HLCS: variants seen among roughly 807,000 people sequenced by gnomAD.
HLCS encodes holocarboxylase synthetase, also known as biotin--protein ligase.
HLCS carries 53 observed loss-of-function variants against 75.0 expected under a neutral mutation model. That is an observed-to-expected ratio of 0.71 (90% confidence interval 0.57 to 0.89). HLCS has a LOEUF of 0.89. Ranked by LOEUF, HLCS falls within the 40% of genes least tolerant of loss-of-function variation. HLCS has a pLI of 0.00. For missense variants in HLCS, 966 were observed against 1,074.0 expected (o/e 0.90, Z 1.41); for synonymous variants, 431 against 428.6 (o/e 1.01, Z -0.07).
intron 6 of HLCS, among the ~76,000 whole-genome samples, chr21:36,849,256 C>T (rs1235705951): frequency 6.6e-6 from 1 of 152,196 alleles, no homozygotes; most frequent in African/African-American, 2.4e-5. Flanking sequence ...TTTTTGTCTG[C>T]AATCAATGCA....
intron 2 of HLCS, among the ~76,000 whole-genome samples, chr21:36,940,548 C>T (rs1336128110): frequency 6.6e-6 from 1 of 151,980 alleles, no homozygotes; most frequent in Non-Finnish European, 1.5e-5. Flanking sequence ...TTTTTAAATG[C>T]TAGATAAAAT....
At chr21:36,934,606 CTT>C (rs1016982008) in intron 4 of HLCS, among the ~76,000 whole-genome samples, 1 of 152,200 alleles carries the variant, frequency 6.6e-6, no homozygotes, top group African/African-American at 2.4e-5. Context: ...CATTTCCTCT[CTT>C]TCTTTATTAT....
intron 5 of HLCS, among the ~76,000 whole-genome samples, chr21:36,923,175 C>G (rs1237380236): frequency 1.3e-5 from 2 of 152,162 alleles, no homozygotes; most frequent in Non-Finnish European, 2.9e-5. Flanking sequence ...AACTGGGAGA[C>G]AAAAATCCGC....
chr21:36,827,902 C>T (rs1175965911), intron 6 of HLCS, among the ~76,000 whole-genome samples: 1 of 151,604 alleles, frequency 6.6e-6, no homozygotes, highest in African/African-American at 2.4e-5. Flanking sequence ...CAAGCTCCAC[C>T]TCCCGGGTTC....
chr21:36,882,796 T>C (rs2064287472), intron 6 of HLCS, among the ~76,000 whole-genome samples: 1 of 151,998 alleles, frequency 6.6e-6, no homozygotes, highest in Non-Finnish European at 1.5e-5. Flanking sequence ...TTTAGGTAAA[T>C]TCTGTATGCA....
intron 2 of HLCS, among the ~76,000 whole-genome samples, chr21:36,956,461 G>A (rs2067953087): frequency 1.3e-5 from 2 of 152,204 alleles, no homozygotes; most frequent in Admixed American, 1.3e-4. Context: ...AGGTGTGGTG[G>A]CTCACACTTG....
chr21:36,874,945 C>T (rs2063911363), intron 6 of HLCS, among the ~76,000 whole-genome samples: 1 of 152,202 alleles, frequency 6.6e-6, no homozygotes, highest in African/African-American at 2.4e-5. Context: ...CCGCTCCCGG[C>T]ACCCACTTCA....
intron 1 of HLCS, among the ~76,000 whole-genome samples, chr21:36,966,006 C>A (rs1292217669): frequency 1.3e-5 from 2 of 152,194 alleles, no homozygotes; most frequent in Non-Finnish European, 2.9e-5. Context: ...GCTGTCCTTC[C>A]TCCTAGGCCT....
At chr21:36,930,146 A>G (rs1156793909) in intron 5 of HLCS, 105 bp downstream of exon 5, 1 of 1,037,024 alleles carries the variant, frequency 9.6e-7, no homozygotes, top group Admixed American at 1.7e-5. Context: ...CAAAACAGAA[A>G]TGGAAAATCA....
chr21:36,878,953 C>A (rs4817823), intron 6 of HLCS, among the ~76,000 whole-genome samples: 60,145 of 151,370 alleles, frequency 0.4, 13,856 homozygotes, highest in Admixed American at 0.54. Context: ...ACTCTCTAAG[C>A]TATAGCTTCC....
At chr21:36,834,189 CCT>C (rs1366879625) in intron 6 of HLCS, among the ~76,000 whole-genome samples, 2 of 152,210 alleles carry the variant, frequency 1.3e-5, no homozygotes, top group Non-Finnish European at 1.5e-5. Flanking sequence ...GTATTTATCC[CCT>C]GACACACTGC....
At position 36,938,874 on chromosome 21, in the gene HLCS, T is replaced by C. The variant is rs768503234; in HGVS notation, c.451A>G (p.Arg151Gly). ...SKLGVAFMED[R>G]LHMDNGLVPQ... is the part of the protein sequence containing the mutation. ...ACCAGTCCATTATCCATGTGGAGTC[T>C]ATCTTCCATGAACGCCACCCCCAGC... Residue 151 changes from arginine to glycine, a missense_variant, in exon 3 of 11, where the codon AGA (arginine) becomes GGA (glycine). Arg to Gly is a moderately radical substitution (Grantham distance 125). Transcript: ENST00000674895. The C allele has an allele frequency of 6.2e-7, 1 of 1,614,050 alleles. No individual in the cohort carries two copies. The highest frequency in any genetic ancestry group is 1.1e-5 in the South Asian group (1 of 91,082).
intron 6 of HLCS, among the ~76,000 whole-genome samples, chr21:36,819,071 G>A (rs536463363): frequency 6.6e-6 from 1 of 152,292 alleles, no homozygotes; most frequent in South Asian, 2.1e-4. Context: ...CTGGCAGGAA[G>A]CAGCAGCTTA....
chr21:36,959,689 TCA>T (rs1211845118), intron 2 of HLCS, among the ~76,000 whole-genome samples: 1 of 152,088 alleles, frequency 6.6e-6, no homozygotes, highest in Non-Finnish European at 1.5e-5. Flanking sequence ...CCAGCCAGAC[TCA>T]CACAGAGGCT....
At chr21:36,820,829 C>A (rs1017535393) in intron 6 of HLCS, among the ~76,000 whole-genome samples, 4 of 152,342 alleles carry the variant, frequency 2.6e-5, no homozygotes, top group African/African-American at 9.6e-5. Context: ...TTTCTTGGGG[C>A]TGGATAGCTT....
In HLCS at chr21:36,756,832, TA is replaced by T. The variant is rs2145732614; in HGVS notation, c.2237-78del. ...TTCCTCTCTGCCACATGGAAAAAGT[TA>T]CAGTCTTGACTGTCAACTTCCTCCT... is the stretch of plus-strand genomic sequence containing the variant. On this transcript the variant is annotated intron_variant, in intron 9 of 10. Coordinates refer to ENST00000674895, the MANE Select transcript of HLCS (RefSeq NM_001352514.2). The T allele has an allele frequency of 1.7e-5, 28 of 1,609,206 alleles. No homozygotes were observed. In the South Asian group the frequency reaches 3.1e-4, roughly 18 times the overall value.
At chr21:36,890,185 A>G (rs945925231) in intron 6 of HLCS, among the ~76,000 whole-genome samples, 2 of 152,202 alleles carry the variant, frequency 1.3e-5, no homozygotes, top group Non-Finnish European at 2.9e-5. Flanking sequence ...ACTGTGAGTC[A>G]GTTAAACCTC....
At chr21:36,838,147 C>T (rs2062478033) in intron 6 of HLCS, among the ~76,000 whole-genome samples, 1 of 152,122 alleles carries the variant, frequency 6.6e-6, no homozygotes, top group African/African-American at 2.4e-5. Flanking sequence ...ACATTCTGAG[C>T]TCACCTGGAG....
intron 6 of HLCS, among the ~76,000 whole-genome samples, chr21:36,864,227 T>G (rs1466492259): frequency 6.6e-6 from 1 of 152,044 alleles, no homozygotes; most frequent in Non-Finnish European, 1.5e-5. Flanking sequence ...TGGTGAAACC[T>G]TGTCTCTACT....
Sources: allele counts gnomAD v4.1 joint callset (sites outside exome capture counted in the v4.1 genomes callset), GRCh38; gene constraint gnomAD v4.1.1; transcripts MANE v1.5; gene names NCBI Gene and HGNC (gene_info 2026-07-23, HGNC 2026-07-21).